The following WDR93 variants were observed in gnomAD, a reference collection of about 807,000 sequenced individuals.
WDR93 encodes WD repeat-containing protein 93.
In WDR93, 73 loss-of-function variants were observed where a neutral mutation model predicts 82.9. The observed-to-expected ratio is 0.88, with a 90% confidence interval of 0.73 to 1.07. The LOEUF is 1.07. Ranked by LOEUF, WDR93 falls within the 50% of genes least tolerant of loss-of-function variation. The pLI, the probability that WDR93 is intolerant of heterozygous loss-of-function variation, is 0.00. For synonymous variants in WDR93, 283 were observed against 300.1 expected (o/e 0.94, Z 0.59); for missense variants, 738 against 826.0 (o/e 0.89, Z 1.31).
At chr15:89,726,502 G>A (rs937384688) in intron 8 of WDR93, among the ~76,000 whole-genome samples, 5 of 152,106 alleles carry the variant, frequency 3.3e-5, no homozygotes, top group African/African-American at 1.2e-4. Context: ...GAATCTCCTG[G>A]GCAACTTGAG....
chr15:89,732,641 AC>A (rs1567126871), intron 12 of WDR93, among the ~76,000 whole-genome samples: 1 of 149,570 alleles, frequency 6.7e-6, no homozygotes, highest in East Asian at 1.9e-4. Flanking sequence ...ACACACACAC[AC>A]CGCCTTTTCT....
intron 8 of WDR93, among the ~76,000 whole-genome samples, chr15:89,724,301 C>T (rs926035451): frequency 3.9e-5 from 6 of 152,046 alleles, no homozygotes; most frequent in African/African-American, 1.4e-4. Context: ...GAAATCGCAC[C>T]ATTGCACTCC....
In WDR93 at chr15:89,701,842, C is replaced by G. The variant is rs756613954; in HGVS notation, c.96C>G (p.Asp32Glu). Residue 32 changes from aspartate to glutamate, a missense_variant, in exon 2 of 17, where the codon GAC becomes GAG. Physicochemically the swap from Asp to Glu is conservative, Grantham distance 45 (BLOSUM62 2). Coordinates refer to ENST00000268130, the MANE Select transcript of WDR93 (RefSeq NM_020212.2). Reference protein sequence around the residue: ...PLEVPPPTEKDWPKDDEQDHV... With the variant: ...PLEVPPPTEKEWPKDDEQDHV... ...AGGTGCCACCCCCAACAGAGAAGGA[C>G]TGGCCTAAAGACGATGAACAGGATC... 1 of 1,614,218 alleles carries G rather than the reference C, an allele frequency of 6.2e-7. No individual in the cohort carries two copies. Among genetic ancestry groups the G allele is most frequent in the African/African-American group, 1.3e-5 (1 of 75,050 alleles).
chr15:89,706,633 G>T (rs1416638006), intron 4 of WDR93, among the ~76,000 whole-genome samples: 3 of 151,786 alleles, frequency 2.0e-5, no homozygotes, highest in Non-Finnish European at 2.9e-5. Flanking sequence ...AGAGATTTTA[G>T]ATCTAAATGT....
rs1057161250 is a variant in WDR93 at position 89,709,498 on chromosome 15, T to TTA, written c.562-2517_562-2516dup. Among the ~76,000 whole-genome samples, 14 of 151,410 alleles carry TTA rather than the reference T, an allele frequency of 9.2e-5. No homozygotes were observed. The South Asian group carries it at 1.2e-3, about 13-fold the overall frequency. The stretch of plus-strand genomic sequence containing the variant: ...CAAAGACTGGGAGAAAATACCTGTT[T>TTA]TATATATATATACTTTATATATATT... On this transcript the variant is annotated intron_variant, in intron 4 of 16. Transcript: ENST00000268130.
chr15:89,731,580 C>G lies in WDR93; in HGVS notation c.1330+18C>G, dbSNP rs992274735. The G allele has an allele frequency of 6.2e-7, 1 of 1,613,794 alleles. No homozygotes were observed. Among genetic ancestry groups the G allele is most frequent in the Non-Finnish European group, 8.5e-7 (1 of 1,179,914 alleles). The stretch of plus-strand genomic sequence containing the variant: ...GGCCAAAGGTAAGTCCTCCCTGCCT[C>G]TCTACCTAGTACCTGGGTGGGACTC... On this transcript the variant is annotated intron_variant, in intron 12 of 16. Coordinates refer to ENST00000268130, the MANE Select transcript of WDR93 (RefSeq NM_020212.2).
Position 89,737,458 on chromosome 15 carries a change from A to G in WDR93, c.1609-115A>G, listed in dbSNP as rs778118297. The G allele has an allele frequency of 7.9e-5, 109 of 1,381,496 alleles. No individual in the cohort carries two copies. In the Middle Eastern group the frequency reaches 1.8e-3, roughly 23 times the overall value. 85.6% of individuals were successfully genotyped at this position (1,381,496 alleles called of 1,614,324 possible). A position where few individuals can be genotyped will look rare whatever the true frequency, so the allele number is the denominator to read the frequency against. ...GGATGGATCCAGAGGCTGGGGCCCA[A>G]GAGGTTTTATGTCCAGCTGCTTCTC... On this transcript the variant is annotated intron_variant, in intron 14 of 16. Coordinates refer to ENST00000268130, the MANE Select transcript of WDR93 (RefSeq NM_020212.2).
intron 8 of WDR93, among the ~76,000 whole-genome samples, chr15:89,724,671 A>C (rs538325100): frequency 6.6e-6 from 1 of 152,196 alleles, no homozygotes; most frequent in Non-Finnish European, 1.5e-5. Flanking sequence ...GCTATTCACA[A>C]AAAAAAGATT....
chr15:89,739,214 G>T (rs960178539), intron 16 of WDR93, among the ~76,000 whole-genome samples: 4 of 152,080 alleles, frequency 2.6e-5, no homozygotes, highest in African/African-American at 9.7e-5. Flanking sequence ...CCACTGCCTG[G>T]TTTTGTAAAT....
intron 7 of WDR93, among the ~76,000 whole-genome samples, chr15:89,718,593 CT>C (rs1430635893): frequency 3.3e-5 from 5 of 152,100 alleles, no homozygotes; most frequent in African/African-American, 1.2e-4. Context: ...CACCACTGTA[CT>C]CTAGCCTGAG....
chr15:89,692,233 C>T (rs1186410678), intron 1 of WDR93, among the ~76,000 whole-genome samples: 1 of 152,162 alleles, frequency 6.6e-6, no homozygotes, highest in Non-Finnish European at 1.5e-5. Context: ...GAGAAGGGCT[C>T]ATGCAGGCCA....
chr15:89,695,833 T>C (rs1965141882), intron 1 of WDR93, among the ~76,000 whole-genome samples: 1 of 149,940 alleles, frequency 6.7e-6, no homozygotes, highest in South Asian at 2.1e-4. Context: ...TTTTTTTTTT[T>C]TGAGACAGAG....
chr15:89,729,661 C>CT, intron 10 of WDR93, 22 bp from the exon 11 acceptor site: 1 of 1,604,464 alleles, frequency 6.2e-7, no homozygotes, highest in Non-Finnish European at 8.5e-7. Flanking sequence ...CATTTTCTGT[C>CT]TTTCCCCCGC....
At position 89,715,801 on chromosome 15, in the gene WDR93, G is replaced by A. The variant is rs185984411; in HGVS notation, c.756+706G>A. Among the ~76,000 whole-genome samples the A allele has an allele frequency of 7.4e-3, 1,129 of 152,206 alleles. 17 individuals are homozygous for A. Among genetic ancestry groups the A allele is most frequent in the African/African-American group, 0.026 (1,085 of 41,520 alleles). On this transcript the variant is annotated intron_variant, in intron 6 of 16. Coordinates refer to ENST00000268130, the MANE Select transcript of WDR93 (RefSeq NM_020212.2). ...GGGTTTCACTGTGTTAGCCAGGATG[G>A]TCTCAATCTCCTGACCTCGTGATGT...
chr15:89,727,427 T>C, intron 9 of WDR93, 99 bp downstream of exon 9: 1 of 1,365,326 alleles, frequency 7.3e-7, no homozygotes, highest in Non-Finnish European at 9.9e-7. Context: ...TAATCTGAGA[T>C]TTAAAAGCTC....
chr15:89,697,817 G>C (rs1221247314), intron 1 of WDR93, among the ~76,000 whole-genome samples: 1 of 150,014 alleles, frequency 6.7e-6, no homozygotes, highest in African/African-American at 2.4e-5. Flanking sequence ...TTGAAGCTCT[G>C]TTATTAGGTG....
At chr15:89,703,644 C>G (rs986282738) in intron 3 of WDR93, 2 of 155,944 alleles carry the variant, frequency 1.3e-5, no homozygotes, top group African/African-American at 4.8e-5. Flanking sequence ...AGCTAGGCTC[C>G]CTCTAGCCTG....
At position 89,739,235 on chromosome 15, in the gene WDR93, T is replaced by A. The variant is rs559198517; in HGVS notation, c.1961+999T>A. ...CCTGGTTTTGTAAATAAGGTTTTAT[T>A]TGAACACAGCCGTGCCCATTTGTTT... On this transcript the variant is annotated intron_variant, in intron 16 of 16. Transcript: ENST00000268130. Among the ~76,000 whole-genome samples, 8 of 152,344 alleles carry A rather than the reference T, an allele frequency of 5.3e-5. No homozygotes were observed. In the South Asian group the frequency reaches 1.4e-3, roughly 28 times the overall value.
At chr15:89,714,167 GCTGATT>G (rs1966135590) in intron 5 of WDR93, 1 of 152,286 alleles carries the variant, frequency 6.6e-6, no homozygotes, top group South Asian at 2.1e-4. Context: ...TCTCTCAGTT[GCTGATT>G]CTGTATTTGC....
Sources: gnomAD v4.1 joint callset for allele counts (sites outside exome capture counted in the v4.1 genomes callset) on GRCh38, gnomAD v4.1.1 for gene constraint, MANE v1.5 for transcripts, NCBI Gene and HGNC (gene_info 2026-07-23, HGNC 2026-07-21) for gene names.